The following MAP4K4 variants were observed in gnomAD, a reference collection of about 807,000 sequenced individuals.
MAP4K4 encodes mitogen-activated protein kinase kinase kinase kinase 4, also known as HPK/GCK-like kinase HGK.
Under a neutral mutation model 189.6 loss-of-function variants are expected in MAP4K4, and 38 were observed. That is an observed-to-expected ratio of 0.20 (90% CI 0.15 to 0.26). MAP4K4 has a LOEUF of 0.26. Ranked by LOEUF, MAP4K4 falls within the 10% of genes least tolerant of loss-of-function variation. The probability of loss-of-function intolerance (pLI) is 1.00; values close to 1 mark genes in which losing one functional copy is unlikely to be tolerated. For missense variants in MAP4K4, 1,054 were observed against 1,726.9 expected, an observed-to-expected ratio of 0.61 and a Z score of 6.91; for synonymous variants, 610 against 624.3, an observed-to-expected ratio of 0.98 and a Z score of 0.34.
At chr2:101,884,861 T>C (rs2150267803) in intron 28 of MAP4K4, among the ~76,000 whole-genome samples, 1 of 152,326 alleles carries the variant, frequency 6.6e-6, no homozygotes, top group South Asian at 2.1e-4. Context: ...ATTAATCATG[T>C]TGTTACTCAT....
chr2:101,856,261 A>G, intron 13 of MAP4K4, 123 bp downstream of exon 13: 1 of 845,794 alleles, frequency 1.2e-6, no homozygotes, highest in South Asian at 2.2e-5. Flanking sequence ...ATACACATAT[A>G]CTTAGAACTT....
exon 10 of MAP4K4, chr2:101,839,831 T>C: frequency 1.3e-6 from 2 of 1,586,568 alleles, no homozygotes; most frequent in Non-Finnish European, 1.7e-6. Flanking sequence ...CGAAGAAGTT[T>C]TTTAGTTTTA....
intron 2 of MAP4K4, among the ~76,000 whole-genome samples, chr2:101,741,675 A>T (rs190247015): frequency 2.0e-5 from 3 of 152,156 alleles, no homozygotes; most frequent in East Asian, 3.9e-4. Flanking sequence ...TTCAATTTTC[A>T]TGAGTGCAAA....
chr2:101,713,723 C>T (rs1452573048), intron 2 of MAP4K4, among the ~76,000 whole-genome samples: 3 of 151,086 alleles, frequency 2.0e-5, no homozygotes, highest in Admixed American at 6.6e-5. Context: ...GGCGAAACCC[C>T]GTCTCTACTA....
intron 2 of MAP4K4, among the ~76,000 whole-genome samples, chr2:101,703,487 G>A (rs1395630094): frequency 1.3e-5 from 2 of 151,620 alleles, no homozygotes; most frequent in African/African-American, 4.9e-5. Context: ...GCGTGGTGGT[G>A]TACGCCTGTA....
intron 2 of MAP4K4, among the ~76,000 whole-genome samples, chr2:101,751,655 C>T (rs2069049995): frequency 6.6e-6 from 1 of 152,192 alleles, no homozygotes; most frequent in Non-Finnish European, 1.5e-5. Flanking sequence ...GCAGACAACT[C>T]CTAAATCAGT....
chr2:101,854,625 T>C (rs1460328111), intron 12 of MAP4K4, among the ~76,000 whole-genome samples: 1 of 152,238 alleles, frequency 6.6e-6, no homozygotes. Context: ...TTTTAAGTGT[T>C]GGCTTTCAGA....
At chr2:101,728,064 T>A (rs540381170) in intron 2 of MAP4K4, among the ~76,000 whole-genome samples, 1 of 152,326 alleles carries the variant, frequency 6.6e-6, no homozygotes, top group East Asian at 1.9e-4. Flanking sequence ...TGGCTTGCTC[T>A]CATTAAATAA....
chr2:101,860,673 G>T, intron 15 of MAP4K4, 152 bp from the exon 16 acceptor site: 1 of 629,838 alleles, frequency 1.6e-6, no homozygotes, highest in Non-Finnish European at 2.7e-6. Flanking sequence ...ACTGCTTTAT[G>T]TACCTTCTTT....
intron 2 of MAP4K4, among the ~76,000 whole-genome samples, chr2:101,771,093 A>G (rs991891946): frequency 1.3e-5 from 2 of 152,230 alleles, no homozygotes; most frequent in African/African-American, 4.8e-5. Flanking sequence ...ATATATCACC[A>G]TGTTCACATA....
intron 9 of MAP4K4, among the ~76,000 whole-genome samples, chr2:101,838,804 G>A (rs1461885900): frequency 6.6e-6 from 1 of 152,228 alleles, no homozygotes; most frequent in East Asian, 1.9e-4. Context: ...CTTAAAAGCA[G>A]TGAAGTGGAA....
Position 101,877,156 on chromosome 2 carries a change from T to C in MAP4K4, c.3385+10T>C. 1 of 1,613,838 alleles carries C rather than the reference T, an allele frequency of 6.2e-7. No homozygotes were observed. Among genetic ancestry groups the C allele is most frequent in the Non-Finnish European group, 8.5e-7 (1 of 1,179,762 alleles). On this transcript the variant is annotated intron_variant, in intron 27 of 32. Coordinates refer to ENST00000324219, the Ensembl canonical transcript of MAP4K4. Reference sequence around the variant, plus strand: ...TTGGTGACAATATCTGGTGAGTGTTTGTTTTGTAAACCAGAATATGTGACA... The same window carrying C: ...TTGGTGACAATATCTGGTGAGTGTTCGTTTTGTAAACCAGAATATGTGACA...
At chr2:101,856,830 A>G (rs10203468) in intron 13 of MAP4K4, among the ~76,000 whole-genome samples, 2,101 of 152,266 alleles carry the variant, frequency 0.014, 53 homozygotes, top group African/African-American at 0.048. Flanking sequence ...ATATGTGAGG[A>G]CCAATTTAAA....
chr2:101,733,216 C>T (rs2059207106), intron 2 of MAP4K4, among the ~76,000 whole-genome samples: 2 of 152,320 alleles, frequency 1.3e-5, no homozygotes, highest in African/African-American at 4.8e-5. Flanking sequence ...CAGGGTACAC[C>T]TGAGCCTTTG....
At chr2:101,782,804 G>C (rs144022849) in intron 2 of MAP4K4, among the ~76,000 whole-genome samples, 371 of 152,290 alleles carry the variant, frequency 2.4e-3, no homozygotes, top group African/African-American at 8.6e-3. Flanking sequence ...ATGGCTCCTG[G>C]AGAGCTGTCT....
intron 26 of MAP4K4, among the ~76,000 whole-genome samples, 158 bp downstream of exon 26, chr2:101,874,410 T>G (rs527871665): frequency 6.6e-6 from 1 of 152,370 alleles, no homozygotes; most frequent in East Asian, 1.9e-4. Context: ...ATTAGCAGAC[T>G]GGTGTGGCAC....
intron 2 of MAP4K4, among the ~76,000 whole-genome samples, chr2:101,762,320 C>T (rs901031338): frequency 3.9e-5 from 6 of 152,160 alleles, no homozygotes; most frequent in East Asian, 3.8e-4. Context: ...CCTTAATCTT[C>T]GCTGTGGTGA....
intron 2 of MAP4K4, among the ~76,000 whole-genome samples, chr2:101,761,404 A>G (rs2076323990): frequency 6.6e-6 from 1 of 152,106 alleles, no homozygotes; most frequent in Admixed American, 6.5e-5. Context: ...GCTTGGGCCC[A>G]GTCATCTAGC....
chr2:101,726,419 A>G (rs2055407457), intron 2 of MAP4K4, among the ~76,000 whole-genome samples: 1 of 152,222 alleles, frequency 6.6e-6, no homozygotes, highest in African/African-American at 2.4e-5. Flanking sequence ...CCAGCAATTA[A>G]TTTATGAGCC....
Sources: allele counts gnomAD v4.1 joint callset (sites outside exome capture counted in the v4.1 genomes callset), GRCh38; gene constraint gnomAD v4.1.1; transcripts MANE v1.5; gene names NCBI Gene and HGNC (gene_info 2026-07-23, HGNC 2026-07-21).